The following RPS6KC1 variants were observed in gnomAD, a reference collection of about 807,000 sequenced individuals.
The protein encoded by RPS6KC1 is ribosomal protein S6 kinase C1, also known as inactive ribosomal protein S6 kinase delta-1.
RPS6KC1 carries 54 observed loss-of-function variants against 103.8 expected under a neutral mutation model. The ratio of observed to expected loss-of-function variants is 0.52; its 90% CI spans 0.42 to 0.65. The LOEUF (loss-of-function observed/expected upper bound fraction) is 0.65. Among genes scored for constraint, RPS6KC1 ranks in the 30% least tolerant of loss-of-function variants. The pLI, the probability that RPS6KC1 is intolerant of heterozygous loss-of-function variation, is 0.00. For synonymous variants in RPS6KC1, 439 were observed against 438.7 expected, an observed-to-expected ratio of 1.00 and a Z score of -0.01; for missense variants, 1,151 against 1,253.8, an observed-to-expected ratio of 0.92 and a Z score of 1.24.
the RPS6KC1 span, among the ~76,000 whole-genome samples, chr1:213,754,969 T>G: frequency 2.0e-5 from 3 of 152,236 alleles, no homozygotes; most frequent in African/African-American, 7.2e-5. Context: ...ATTTAACTTT[T>G]TAAGCCACAG....
chr1:213,361,260 G>T, the RPS6KC1 span, among the ~76,000 whole-genome samples: 2 of 152,262 alleles, frequency 1.3e-5, no homozygotes, highest in Non-Finnish European at 2.9e-5. Flanking sequence ...AGCAATGGCA[G>T]GCGCCCTCCC....
At chr1:213,742,372 A>G in the RPS6KC1 span, among the ~76,000 whole-genome samples, 1 of 152,210 alleles carries the variant, frequency 6.6e-6, no homozygotes, top group Non-Finnish European at 1.5e-5. Context: ...TTGACGTAGA[A>G]TCTTTCTTCA....
In RPS6KC1 at chr1:213,159,447, G is replaced by C. The variant is rs534372019; in HGVS notation, c.836-8411G>C. Among the ~76,000 whole-genome samples the C allele has an allele frequency of 5.3e-5, 8 of 152,328 alleles. No homozygotes were observed. In the East Asian group the frequency reaches 1.3e-3, roughly 26 times the overall value. On this transcript the variant is annotated intron_variant, in intron 6 of 14. Coordinates refer to ENST00000366960, the MANE Select transcript of RPS6KC1 (RefSeq NM_012424.6). ...ATTCAGATTGTATGAACAGTAAACA[G>C]AGCATCTAAAATAACCACTTGCACG... is the stretch of plus-strand genomic sequence containing the variant.
At chr1:213,860,599 C>A in the RPS6KC1 span, among the ~76,000 whole-genome samples, 1 of 151,960 alleles carries the variant, frequency 6.6e-6, no homozygotes. Context: ...AGGAATTCTG[C>A]ATGCAGAGAA....
chr1:213,362,291 G>A, the RPS6KC1 span, among the ~76,000 whole-genome samples: 1 of 152,152 alleles, frequency 6.6e-6, no homozygotes, highest in African/African-American at 2.4e-5. Context: ...AAGAAATTTT[G>A]CACACTTTTT....
chr1:213,148,951 A>C (rs771039151), intron 6 of RPS6KC1, among the ~76,000 whole-genome samples: 1 of 152,116 alleles, frequency 6.6e-6, no homozygotes, highest in African/African-American at 2.4e-5. Flanking sequence ...AGACTTTCCA[A>C]TTTATTGACA....
the RPS6KC1 span, among the ~76,000 whole-genome samples, chr1:213,812,574 T>G: frequency 6.6e-6 from 1 of 152,242 alleles, no homozygotes; most frequent in Admixed American, 6.5e-5. Context: ...GTTAAAGCCC[T>G]TTTAAAGACA....
chr1:213,197,758 T>C (rs1032847898), intron 8 of RPS6KC1, among the ~76,000 whole-genome samples: 4 of 152,192 alleles, frequency 2.6e-5, no homozygotes, highest in Non-Finnish European at 5.9e-5. Context: ...TTGTCTGCTA[T>C]ATAAGTAGTT....
At chr1:213,141,249 C>T (rs956726001) in intron 6 of RPS6KC1, among the ~76,000 whole-genome samples, 2 of 151,926 alleles carry the variant, frequency 1.3e-5, no homozygotes, top group Non-Finnish European at 2.9e-5. Flanking sequence ...TCATTTTGTC[C>T]AGGGCCTTCT....
At chr1:213,567,089 G>A in the RPS6KC1 span, among the ~76,000 whole-genome samples, 1 of 152,054 alleles carries the variant, frequency 6.6e-6, no homozygotes, top group African/African-American at 2.4e-5. Context: ...CAAGGTCATG[G>A]GTCTTAGTCA....
At chr1:213,788,277 C>T in the RPS6KC1 span, among the ~76,000 whole-genome samples, 3 of 152,046 alleles carry the variant, frequency 2.0e-5, no homozygotes, top group Admixed American at 6.6e-5. Flanking sequence ...CACATCTTCC[C>T]AAAAGACAAA....
chr1:213,181,326 C>T (rs2092255439), intron 8 of RPS6KC1, among the ~76,000 whole-genome samples: 3 of 152,258 alleles, frequency 2.0e-5, no homozygotes, highest in Admixed American at 1.3e-4. Flanking sequence ...AGATGCCACA[C>T]ACTTTGTAAG....
chr1:213,540,970 G>A, the RPS6KC1 span, among the ~76,000 whole-genome samples: 1 of 151,892 alleles, frequency 6.6e-6, no homozygotes, highest in Non-Finnish European at 1.5e-5. Context: ...ATGAGATTTT[G>A]CAGCAATTCA....
At chr1:213,632,004 C>T in the RPS6KC1 span, among the ~76,000 whole-genome samples, 1 of 152,144 alleles carries the variant, frequency 6.6e-6, no homozygotes, top group Non-Finnish European at 1.5e-5. Flanking sequence ...TGGAATCATA[C>T]AGTATGTAAC....
At chr1:213,131,535 C>T (rs768064804) in intron 6 of RPS6KC1, among the ~76,000 whole-genome samples, 3 of 151,982 alleles carry the variant, frequency 2.0e-5, no homozygotes, top group South Asian at 2.1e-4. Flanking sequence ...CCTTTGCCTC[C>T]GGGGTTCAAG....
the RPS6KC1 span, among the ~76,000 whole-genome samples, chr1:213,494,450 G>GA: frequency 3.3e-5 from 5 of 151,940 alleles, no homozygotes; most frequent in Non-Finnish European, 2.9e-5. Flanking sequence ...TGGAAGGATA[G>GA]AAAAAACCCT....
chr1:213,158,698 C>T (rs1278969680), intron 6 of RPS6KC1, among the ~76,000 whole-genome samples: 1 of 152,102 alleles, frequency 6.6e-6, no homozygotes, highest in Admixed American at 6.5e-5. Context: ...TGAAAACATT[C>T]AGACAGAAAG....
At chr1:213,431,689 C>T in the RPS6KC1 span, among the ~76,000 whole-genome samples, 3 of 135,572 alleles carry the variant, frequency 2.2e-5, no homozygotes, top group Non-Finnish European at 3.2e-5. Context: ...GTGTGTGTTA[C>T]TATTTACCCA....
At chr1:213,719,449 G>T in the RPS6KC1 span, among the ~76,000 whole-genome samples, 1 of 151,988 alleles carries the variant, frequency 6.6e-6, no homozygotes, top group Non-Finnish European at 1.5e-5. Context: ...CACAATAAGG[G>T]GTATGTGTTA....
Sources: gnomAD v4.1 joint callset for allele counts (sites outside exome capture counted in the v4.1 genomes callset) on GRCh38, gnomAD v4.1.1 for gene constraint, MANE v1.5 for transcripts, NCBI Gene and HGNC (gene_info 2026-07-23, HGNC 2026-07-21) for gene names.